Variants in ELF1 observed in about 807,000 individuals in gnomAD.
The protein encoded by ELF1 is E74 like ETS transcription factor 1.
Under a neutral mutation model 59.9 loss-of-function variants are expected in ELF1, and 24 were observed. That is an observed-to-expected ratio of 0.40 (90% CI 0.29 to 0.56). The LOEUF (loss-of-function observed/expected upper bound fraction) is 0.56. Among genes scored for constraint, ELF1 ranks in the 20% least tolerant of loss-of-function variants. The pLI is 0.44. For missense variants in ELF1, 627 were observed against 742.2 expected (o/e 0.84, Z 1.80); for synonymous variants, 248 against 266.2 (o/e 0.93, Z 0.67).
intron 1 of ELF1, among the ~76,000 whole-genome samples, chr13:41,037,093 T>TA (rs1418224441): frequency 1.3e-4 from 19 of 151,588 alleles, no homozygotes; most frequent in Admixed American, 9.2e-4. Context: ...CCCTAGAACT[T>TA]AAAGTATAAT....
chr13:41,022,752 A>G (rs1251982770), upstream of ELF1, among the ~76,000 whole-genome samples: 1 of 152,068 alleles, frequency 6.6e-6, no homozygotes, highest in Non-Finnish European at 1.5e-5. Flanking sequence ...GGTGGCAGAC[A>G]CCTGTAATCT....
At chr13:41,030,485 G>GT (rs2138405812) in intron 1 of ELF1, among the ~76,000 whole-genome samples, 1 of 152,252 alleles carries the variant, frequency 6.6e-6, no homozygotes, top group South Asian at 2.1e-4. Flanking sequence ...GCTCACATCT[G>GT]TAAACTCAAC....
intron 1 of ELF1, among the ~76,000 whole-genome samples, chr13:41,008,929 T>C (rs1375018782): frequency 6.6e-6 from 1 of 152,030 alleles, no homozygotes; most frequent in Admixed American, 6.6e-5. Flanking sequence ...ACAGCTTTTG[T>C]TTTGGGAAAC....
intron 1 of ELF1, among the ~76,000 whole-genome samples, chr13:41,058,274 C>T (rs1877361800): frequency 6.6e-6 from 1 of 152,194 alleles, no homozygotes; most frequent in Non-Finnish European, 1.5e-5. Flanking sequence ...GCCCTCCCTG[C>T]AGGCACTCTG....
At chr13:40,992,166 C>G (rs1159671074) in intron 1 of ELF1, among the ~76,000 whole-genome samples, 1 of 152,126 alleles carries the variant, frequency 6.6e-6, no homozygotes, top group Non-Finnish European at 1.5e-5. Context: ...TTTTATTTGT[C>G]ATTTGCAGAT....
chr13:41,029,800 T>TG (rs1390929583), intron 1 of ELF1, among the ~76,000 whole-genome samples: 1 of 152,190 alleles, frequency 6.6e-6, no homozygotes, highest in Non-Finnish European at 1.5e-5. Context: ...TTCTTGGAGC[T>TG]GGGGCGCCCT....
intron 1 of ELF1, among the ~76,000 whole-genome samples, chr13:40,994,504 A>G (rs1360440276): frequency 6.6e-6 from 1 of 151,614 alleles, no homozygotes; most frequent in Non-Finnish European, 1.5e-5. Context: ...TTACCTAGGC[A>G]TGGTGGGGGG....
At chr13:40,967,503 T>C (rs1188715251) in intron 2 of ELF1, among the ~76,000 whole-genome samples, 1 of 152,242 alleles carries the variant, frequency 6.6e-6, no homozygotes. Flanking sequence ...ATAAAATGTT[T>C]TGATGATTAA....
At chr13:41,038,524 G>GT (rs1211282351) in intron 1 of ELF1, among the ~76,000 whole-genome samples, 1 of 151,702 alleles carries the variant, frequency 6.6e-6, no homozygotes, top group Non-Finnish European at 1.5e-5. Flanking sequence ...CAAAGAAAAG[G>GT]TATCTATAAA....
intron 1 of ELF1, among the ~76,000 whole-genome samples, chr13:41,033,766 T>A (rs1246912156): frequency 2.0e-5 from 3 of 152,198 alleles, no homozygotes; most frequent in Non-Finnish European, 1.5e-5. Context: ...AAAAATTGTG[T>A]TCCATGAAAC....
At chr13:41,032,149 G>C (rs1022475409) in intron 1 of ELF1, among the ~76,000 whole-genome samples, 5 of 151,382 alleles carry the variant, frequency 3.3e-5, no homozygotes, top group African/African-American at 1.2e-4. Context: ...TATCATAGAA[G>C]GCAACCCTCT....
At position 40,956,834 on chromosome 13, in the gene ELF1, C is replaced by T. The variant is rs4053843; in HGVS notation, c.253+2002G>A. ...CAGCCTTCCGAATAGCTAAACTACA[C>T]GTGTATGCCACCATACTTGGCTAAT... On this transcript the variant is annotated intron_variant, in intron 3 of 8. Coordinates refer to ENST00000239882, the MANE Select transcript of ELF1 (RefSeq NM_172373.4). 9.8e-3 allele frequency among the ~76,000 whole-genome samples: 1,366 copies of T among 140,054 alleles called. 19 individuals are homozygous for T. Among genetic ancestry groups the T allele is most frequent in the African/African-American group, 0.029 (1,162 of 40,086 alleles). The allele number at this position is 140,054 out of a possible 152,430, so 91.9% of individuals were successfully genotyped here. A position where few individuals can be genotyped will look rare whatever the true frequency, so the allele number is the denominator to read the frequency against.
At chr13:40,942,281 A>G (rs1870220978) in intron 7 of ELF1, among the ~76,000 whole-genome samples, 3 of 152,216 alleles carry the variant, frequency 2.0e-5, no homozygotes, top group South Asian at 4.1e-4. Flanking sequence ...GCTAAATTTT[A>G]TATCTATATC....
chr13:40,962,326 A>C (rs1186746445), intron 2 of ELF1, among the ~76,000 whole-genome samples: 1 of 152,176 alleles, frequency 6.6e-6, no homozygotes, highest in Non-Finnish European at 1.5e-5. Context: ...AGAGAAAAAA[A>C]CGTTTCCTTT....
chr13:41,006,867 C>T (rs9532697), intron 1 of ELF1, among the ~76,000 whole-genome samples: 47,347 of 151,996 alleles, frequency 0.31, 8,980 homozygotes, highest in Middle Eastern at 0.47. Context: ...TTAGTACATA[C>T]GTACATTTTG....
At chr13:40,940,407 A>AAAAAAAC (rs1566164981) in intron 8 of ELF1, among the ~76,000 whole-genome samples, 8 of 77,172 alleles carry the variant, frequency 1.0e-4, no homozygotes, top group African/African-American at 2.6e-4. Context: ...AAAAAAAAAA[A>AAAAAAAC]AAAAAAAAAA....
rs370759144 is a variant in ELF1, at chr13:40,958,942, G to A, written c.147C>T (p.Ala49=). The change falls in exon 3 of 9, where the codon GCC becomes GCT. Residue 49 remains alanine, a synonymous_variant. Coordinates refer to ENST00000239882, the MANE Select transcript of ELF1 (RefSeq NM_172373.4). ...TGGGCTCTTCCACACAGGCTAGACCGGCATAACTATTGAGAATATCAGCAC... is the reference window on the plus strand; with the variant it reads ...TGGGCTCTTCCACACAGGCTAGACCAGCATAACTATTGAGAATATCAGCAC... ...VPGADILNSY[A]GLACVEEPND... 190 of 1,613,452 alleles carry A rather than the reference G, an allele frequency of 1.2e-4. No individual in the cohort carries two copies. The African/African-American group carries it at 1.4e-3, about 12-fold the overall frequency.
chr13:40,983,811 T>C (rs1873415206), intron 1 of ELF1, among the ~76,000 whole-genome samples: 2 of 152,222 alleles, frequency 1.3e-5, no homozygotes, highest in African/African-American at 4.8e-5. Flanking sequence ...GTAGTAGACC[T>C]GCCTTATGTT....
chr13:41,060,297 G>T (rs1342499314), intron 1 of ELF1, among the ~76,000 whole-genome samples: 1 of 152,248 alleles, frequency 6.6e-6, no homozygotes, highest in Non-Finnish European at 1.5e-5. Context: ...GGGCTCTGGG[G>T]CGCCCAGGGC....
Sources: allele counts gnomAD v4.1 joint callset (sites outside exome capture counted in the v4.1 genomes callset), GRCh38; gene constraint gnomAD v4.1.1; transcripts MANE v1.5; gene names NCBI Gene and HGNC (gene_info 2026-07-23, HGNC 2026-07-21).